The following ZMIZ1 variants were observed in gnomAD, a reference collection of about 807,000 sequenced individuals.
ZMIZ1 encodes zinc finger MIZ domain-containing protein 1.
A neutral mutation model predicts 113.9 loss-of-function variants in ZMIZ1; 17 were observed. That is an observed-to-expected ratio of 0.15 (90% CI 0.10 to 0.22). The LOEUF (loss-of-function observed/expected upper bound fraction) is 0.22, where lower values mean the gene tolerates loss of function less well. Ranked by LOEUF, ZMIZ1 falls within the 10% of genes least tolerant of loss-of-function variation. The probability of loss-of-function intolerance (pLI) is 1.00; values close to 1 mark genes in which losing one functional copy is unlikely to be tolerated. For missense variants in ZMIZ1, 1,059 were observed against 1,477.8 expected (o/e 0.72, Z 4.65); for synonymous variants, 607 against 603.1 (o/e 1.01, Z -0.09).
chr10:79,180,332 T>C (rs992083133), intron 4 of ZMIZ1, among the ~76,000 whole-genome samples: 4 of 152,274 alleles, frequency 2.6e-5, no homozygotes, highest in African/African-American at 9.6e-5. Flanking sequence ...TAGGACACTA[T>C]GAGTGATGTT....
At position 79,312,673 on chromosome 10, in the gene ZMIZ1, T is replaced by C. The variant is rs753919885; in HGVS notation, c.3128T>C (p.Leu1043Pro). The C allele has an allele frequency of 6.2e-7, 1 of 1,614,038 alleles. No individual in the cohort carries two copies. Among genetic ancestry groups the C allele is most frequent in the Non-Finnish European group, 8.5e-7 (1 of 1,180,036 alleles). Residue 1043 changes from leucine (L) to proline (P), a missense_variant, in exon 25 of 25, where the codon CTC (leucine) becomes CCC (proline). By Grantham distance (98) the Leu-to-Pro change is moderately conservative. Around this residue, in one of 6 missense-constraint regions of ZMIZ1, gnomAD observed 225 missense variants for 276.0 expected, o/e 0.82. Transcript: ENST00000334512. ...CCCGAACTCACAAATCCTGACGAGC[T>C]CCTGTCTTATCTGGACCCCCCCGAC... ...LLPELTNPDE[L>P]LSYLDPPDLP...
chr10:79,253,876 G>GCACACA (rs376287548), intron 7 of ZMIZ1, among the ~76,000 whole-genome samples: 6 of 151,954 alleles, frequency 3.9e-5, no homozygotes, highest in Middle Eastern at 3.4e-3. Flanking sequence ...ACAGGTACAT[G>GCACACA]CACACACACA....
At chr10:79,096,943 G>A (rs1017450439) in intron 1 of ZMIZ1, among the ~76,000 whole-genome samples, 12 of 152,332 alleles carry the variant, frequency 7.9e-5, no homozygotes, top group South Asian at 2.1e-4. Flanking sequence ...GAGGAGGGCC[G>A]TGAGATGATG....
rs1414360518 is a variant in ZMIZ1, at chr10:79,277,214, G to A, written c.314G>A (p.Arg105His). The part of the protein sequence containing the change: ...LLSSWCEELG[R>H]LLLLRHQKSR... ...TCCTCCTGGTGCGAAGAGCTCGGCC[G>A]CCTGCTGCTGCTCCGACATCAGAAG... The change falls in exon 8 of 25, where the codon CGC becomes CAC. Residue 105 changes from arginine (R) to histidine (H), a missense_variant. Transcript: ENST00000334512. 6 of 1,579,920 alleles carry A rather than the reference G, an allele frequency of 3.8e-6. No homozygotes were observed. The highest frequency in any genetic ancestry group is 1.1e-5 in the South Asian group (1 of 87,388).
chr10:79,238,268 G>A (rs1338234362), intron 7 of ZMIZ1, among the ~76,000 whole-genome samples: 1 of 152,190 alleles, frequency 6.6e-6, no homozygotes, highest in East Asian at 1.9e-4. Context: ...GGCACCGGGT[G>A]GTATTGTTTT....
intron 7 of ZMIZ1, among the ~76,000 whole-genome samples, chr10:79,238,529 A>C (rs1483958168): frequency 6.6e-6 from 1 of 152,268 alleles, no homozygotes; most frequent in Non-Finnish European, 1.5e-5. Flanking sequence ...CTCTAAAAAG[A>C]AACACAATGA....
At position 79,203,376 on chromosome 10, in the gene ZMIZ1, A is replaced by G. The variant is rs143985662; in HGVS notation, c.60+1684A>G. Among the ~76,000 whole-genome samples, 414 of 152,296 alleles carry G rather than the reference A, an allele frequency of 2.7e-3. 1 individual carries two copies. The highest frequency in any genetic ancestry group is 9.4e-3 in the African/African-American group (391 of 41,574). On this transcript the variant is annotated intron_variant, in intron 5 of 24. Transcript: ENST00000334512. Reference sequence around the variant, plus strand: ...GCCCAAATGGCTCTCCCAAACGCCAATTACACGCCTCTGTTCACCGTGGCA... The same window carrying G: ...GCCCAAATGGCTCTCCCAAACGCCAGTTACACGCCTCTGTTCACCGTGGCA...
At chr10:79,121,910 A>G (rs1487917696) in intron 2 of ZMIZ1, among the ~76,000 whole-genome samples, 2 of 152,200 alleles carry the variant, frequency 1.3e-5, no homozygotes, top group Admixed American at 6.5e-5. Context: ...TCGCACCTGC[A>G]TCTGTACCCA....
intron 4 of ZMIZ1, among the ~76,000 whole-genome samples, chr10:79,165,324 C>T (rs979328056): frequency 5.3e-5 from 8 of 152,168 alleles, no homozygotes; most frequent in Non-Finnish European, 1.0e-4. Context: ...CAGCTTCTCT[C>T]ATTCTGGCCC....
chr10:79,301,402 TAG>T (rs949069950), intron 17 of ZMIZ1, among the ~76,000 whole-genome samples: 2 of 151,922 alleles, frequency 1.3e-5, no homozygotes, highest in African/African-American at 4.8e-5. Context: ...CCCCTTGTCT[TAG>T]AGTCACGTAT....
chr10:79,120,934 G>A (rs1356585725), intron 2 of ZMIZ1, among the ~76,000 whole-genome samples: 2 of 152,134 alleles, frequency 1.3e-5, no homozygotes, highest in Non-Finnish European at 2.9e-5. Context: ...GAGGAGTTGG[G>A]GGCCTGCAGT....
chr10:79,073,469 C>T (rs1210743690), intron 1 of ZMIZ1, among the ~76,000 whole-genome samples: 1 of 152,224 alleles, frequency 6.6e-6, no homozygotes, highest in Non-Finnish European at 1.5e-5. Flanking sequence ...TCCTGGAAGC[C>T]TCTGCCTTCA....
At chr10:79,133,593 C>T (rs1179897254) in intron 2 of ZMIZ1, among the ~76,000 whole-genome samples, 2 of 152,154 alleles carry the variant, frequency 1.3e-5, no homozygotes, top group African/African-American at 4.8e-5. Flanking sequence ...GGAGGCCATT[C>T]CTAGCGACGC....
At chr10:79,164,028 A>C (rs548714546) in intron 4 of ZMIZ1, among the ~76,000 whole-genome samples, 1 of 152,314 alleles carries the variant, frequency 6.6e-6, no homozygotes, top group African/African-American at 2.4e-5. Context: ...GATTCTTTGA[A>C]AAAGAAAAAA....
chr10:79,309,476 G>A (rs1019281155), intron 23 of ZMIZ1, among the ~76,000 whole-genome samples: 1 of 152,202 alleles, frequency 6.6e-6, no homozygotes, highest in Non-Finnish European at 1.5e-5. Flanking sequence ...CCTCTTGTAT[G>A]TGTCTCATAA....
chr10:79,219,845 C>A (rs973503199), intron 7 of ZMIZ1, among the ~76,000 whole-genome samples: 3 of 152,122 alleles, frequency 2.0e-5, no homozygotes, highest in African/African-American at 7.2e-5. Context: ...GGAGTCAAAC[C>A]CTTGTCAGTG....
chr10:79,249,945 T>C (rs549720630), intron 7 of ZMIZ1, among the ~76,000 whole-genome samples: 1 of 152,282 alleles, frequency 6.6e-6, no homozygotes, highest in South Asian at 2.1e-4. Context: ...CCAGGTGACT[T>C]TGAGTAAGTC....
chr10:79,186,938 T>TG (rs1847375442), intron 4 of ZMIZ1, among the ~76,000 whole-genome samples: 1 of 152,224 alleles, frequency 6.6e-6, no homozygotes, highest in Non-Finnish European at 1.5e-5. Flanking sequence ...CTGGAGGCCA[T>TG]GCCCCCTTGG....
At chr10:79,181,172 G>A (rs1847109922) in intron 4 of ZMIZ1, among the ~76,000 whole-genome samples, 1 of 152,188 alleles carries the variant, frequency 6.6e-6, no homozygotes, top group Non-Finnish European at 1.5e-5. Flanking sequence ...GGCAGGAGCA[G>A]GGAGCACCCG....
Sources: gnomAD v4.1 joint callset for allele counts (sites outside exome capture counted in the v4.1 genomes callset) on GRCh38, gnomAD v4.1.1 for gene constraint, gnomAD v4.1.1 regional missense constraint, MANE v1.5 for transcripts, NCBI Gene and HGNC (gene_info 2026-07-23, HGNC 2026-07-21) for gene names.